Variants in MOB3B observed in about 807,000 individuals in gnomAD.
MOB3B encodes the protein MOB kinase activator-like 2B.
A neutral mutation model predicts 18.7 loss-of-function variants in MOB3B; 7 were observed. That is an observed-to-expected ratio of 0.37 (90% CI 0.21 to 0.70). MOB3B has a LOEUF of 0.70. Among genes scored for constraint, MOB3B ranks in the 30% least tolerant of loss-of-function variants. The pLI, the probability that MOB3B is intolerant of heterozygous loss-of-function variation, is 0.52. For missense variants in MOB3B, 253 were observed against 281.3 expected (o/e 0.90, Z 0.72); for synonymous variants, 111 against 99.9 (o/e 1.11, Z -0.66).
At chr9:27,488,677 G>A (rs1003780337) in intron 1 of MOB3B, among the ~76,000 whole-genome samples, 27 of 152,148 alleles carry the variant, frequency 1.8e-4, no homozygotes, top group African/African-American at 6.3e-4. Flanking sequence ...CAAAGTGCTG[G>A]GATTACAGGT....
At chr9:27,414,634 C>T (rs1822119129) in intron 2 of MOB3B, among the ~76,000 whole-genome samples, 1 of 152,176 alleles carries the variant, frequency 6.6e-6, no homozygotes, top group Non-Finnish European at 1.5e-5. Flanking sequence ...GATAAAGAAC[C>T]AGTTACACGT....
chr9:27,462,026 C>T (rs1352148834), intron 1 of MOB3B, among the ~76,000 whole-genome samples: 1 of 152,144 alleles, frequency 6.6e-6, no homozygotes, highest in Non-Finnish European at 1.5e-5. Context: ...GACACCAGTA[C>T]CAACTAGCTT....
At chr9:27,390,562 C>T (rs770222997) in intron 2 of MOB3B, among the ~76,000 whole-genome samples, 15 of 152,316 alleles carry the variant, frequency 9.8e-5, no homozygotes, top group South Asian at 6.2e-4. Flanking sequence ...TTAGTTCCCA[C>T]AGGGTAACTG....
At chr9:27,349,323 A>G (rs1821073349) in intron 3 of MOB3B, among the ~76,000 whole-genome samples, 1 of 152,234 alleles carries the variant, frequency 6.6e-6, no homozygotes, top group Admixed American at 6.5e-5. Context: ...AACCTGCCTT[A>G]TCTTCATGCC....
rs1821237278 is a variant in MOB3B, at chr9:27,359,224, G to A, written c.431C>T (p.Pro144Leu). Residue 144 changes from proline (P) to leucine (L), a missense_variant, in exon 3 of 4, where the codon CCA becomes CTA. Physicochemically the swap from Pro to Leu is moderately conservative, Grantham distance 98. Coordinates refer to ENST00000262244, the MANE Select transcript of MOB3B (RefSeq NM_024761.5). ...CTTGCAGATCTGAAGGAAGTTCTTT[G>A]GGAAGGGAACACCTAGAGAAGAAAA... ...IFPTCVGVPF[P>L]KNFLQICKKI... 1.1e-5 allele frequency: 17 copies of A among 1,614,080 alleles called. No homozygotes were observed. The highest frequency in any genetic ancestry group is 1.4e-5 in the Non-Finnish European group (17 of 1,179,972).
intron 1 of MOB3B, among the ~76,000 whole-genome samples, chr9:27,463,644 TG>T (rs1230649749): frequency 3.3e-5 from 5 of 152,128 alleles, no homozygotes; most frequent in Admixed American, 2.6e-4. Context: ...ACACTTTTTA[TG>T]AATCTCAGTT....
chr9:27,353,669 T>C (rs1821141699), intron 3 of MOB3B, among the ~76,000 whole-genome samples: 1 of 152,104 alleles, frequency 6.6e-6, no homozygotes, highest in Non-Finnish European at 1.5e-5. Context: ...TCCCCTCCTG[T>C]CTGTCCTCCC....
Position 27,359,134 on chromosome 9 carries a change from A to G in MOB3B, c.521T>C (p.Ile174Thr), listed in dbSNP as rs372110318. The change falls in exon 3 of 4, where the codon ATT becomes ACT. Residue 174 changes from isoleucine to threonine, a missense_variant. Physicochemically the swap from Ile to Thr is moderately conservative, Grantham distance 89 (BLOSUM62 -1). Transcript: ENST00000262244. ...GACATGGGCCTCTGCACCCATCACAATGACCCGGTCGAAGTGGTGGATATA... is the reference window on the plus strand; with the variant it reads ...GACATGGGCCTCTGCACCCATCACAGTGACCCGGTCGAAGTGGTGGATATA... ...HVYIHHFDRV[I>T]VMGAEAHVNT... is the part of the protein sequence containing the mutation. 9 of 1,614,056 alleles carry G rather than the reference A, an allele frequency of 5.6e-6. No homozygotes were observed. The highest frequency in any genetic ancestry group is 1.6e-4 in the Middle Eastern group (1 of 6,084).
intron 2 of MOB3B, among the ~76,000 whole-genome samples, chr9:27,452,610 G>A (rs4401966): frequency 0.13 from 19,234 of 152,142 alleles, 1,293 homozygotes; most frequent in African/African-American, 0.17. Context: ...CTCAAAAGAA[G>A]TCATACAAAT....
chr9:27,495,498 C>T (rs910133637), intron 1 of MOB3B, among the ~76,000 whole-genome samples: 2 of 152,136 alleles, frequency 1.3e-5, no homozygotes, highest in Non-Finnish European at 2.9e-5. Context: ...TTAGTTTTCC[C>T]ATGCCTGTTC....
Position 27,455,265 on chromosome 9 carries a change from A to G in MOB3B, c.286T>C (p.Tyr96His). The part of the protein sequence containing the change: ...TCPVMSGGPK[Y>H]EYRWQDDLKY... ...AGATCATCCTGCCACCGATACTCAT[A>G]TTTGGGGCCCCCTGACATCACAGGA... Residue 96 changes from tyrosine (Y) to histidine (H), a missense_variant, in exon 2 of 4, where the codon TAT becomes CAT. Coordinates refer to ENST00000262244, the MANE Select transcript of MOB3B (RefSeq NM_024761.5). The G allele has an allele frequency of 6.2e-7, 1 of 1,614,046 alleles. No homozygotes were observed.
intron 1 of MOB3B, among the ~76,000 whole-genome samples, chr9:27,468,024 T>C (rs967746840): frequency 5.9e-5 from 9 of 152,250 alleles, no homozygotes; most frequent in African/African-American, 2.2e-4. Flanking sequence ...GGCTTGGCTA[T>C]GCAAAGTTAG....
chr9:27,401,247 A>T (rs1323434220), intron 2 of MOB3B, among the ~76,000 whole-genome samples: 1 of 152,114 alleles, frequency 6.6e-6, no homozygotes, highest in South Asian at 2.1e-4. Flanking sequence ...TCCTCATTTG[A>T]CACATAGATG....
chr9:27,504,796 T>C (rs1820035082), intron 1 of MOB3B, among the ~76,000 whole-genome samples: 1 of 152,168 alleles, frequency 6.6e-6, no homozygotes, highest in Non-Finnish European at 1.5e-5. Context: ...TCAAACATCA[T>C]AAGGTGATTT....
intron 2 of MOB3B, among the ~76,000 whole-genome samples, chr9:27,377,841 A>G (rs940303976): frequency 2.6e-5 from 4 of 152,246 alleles, no homozygotes; most frequent in Admixed American, 1.3e-4. Flanking sequence ...ACACTGGCCA[A>G]CTTTACAGAA....
chr9:27,447,245 T>G (rs777276462), intron 2 of MOB3B, among the ~76,000 whole-genome samples: 4 of 152,124 alleles, frequency 2.6e-5, no homozygotes, highest in African/African-American at 9.7e-5. Flanking sequence ...AAAGAAGCCC[T>G]CTGGTGTCAG....
At chr9:27,423,054 G>A (rs1822279193) in intron 2 of MOB3B, among the ~76,000 whole-genome samples, 1 of 152,154 alleles carries the variant, frequency 6.6e-6, no homozygotes, top group African/African-American at 2.4e-5. Flanking sequence ...GGTCCACATG[G>A]AGAGCCAGAA....
At chr9:27,368,220 A>G (rs71510490) in intron 2 of MOB3B, among the ~76,000 whole-genome samples, 1 of 152,146 alleles carries the variant, frequency 6.6e-6, no homozygotes, top group Non-Finnish European at 1.5e-5. Flanking sequence ...CATGAACAAC[A>G]CAGATGTTTC....
chr9:27,478,557 A>G (rs1383348979), intron 1 of MOB3B, among the ~76,000 whole-genome samples: 32 of 152,186 alleles, frequency 2.1e-4, no homozygotes, highest in Admixed American at 2.0e-3. Context: ...AATTACCATC[A>G]TGAAAGATGG....
Sources: gnomAD v4.1 joint callset for allele counts (sites outside exome capture counted in the v4.1 genomes callset) on GRCh38, gnomAD v4.1.1 for gene constraint, MANE v1.5 for transcripts, NCBI Gene and HGNC (gene_info 2026-07-23, HGNC 2026-07-21) for gene names.